PCDH7: variants seen among roughly 807,000 people sequenced by gnomAD.
PCDH7 encodes the protein protocadherin-7.
Under a neutral mutation model 58.9 loss-of-function variants are expected in PCDH7, and 17 were observed. That is an observed-to-expected ratio of 0.29 (90% CI 0.20 to 0.43). The LOEUF is 0.43. Ranked by LOEUF, PCDH7 falls within the 20% of genes least tolerant of loss-of-function variation. The pLI is 1.00. For synonymous variants in PCDH7, 664 were observed against 616.4 expected, an observed-to-expected ratio of 1.08 and a Z score of -1.14; for missense variants, 1,274 against 1,441.0, an observed-to-expected ratio of 0.88 and a Z score of 1.88.
chr4:30,884,836 A>G (rs1020607701), intron 1 of PCDH7: 2 of 152,176 alleles, frequency 1.3e-5, no homozygotes, highest in Admixed American at 1.3e-4. Flanking sequence ...TCAGGAGGTC[A>G]GGCAAAAATA....
At chr4:30,920,258 A>C (rs1431065188) in exon 2 of PCDH7, 1 of 1,367,530 alleles carries the variant, frequency 7.3e-7, no homozygotes, top group Non-Finnish European at 9.8e-7. Context: ...AGAAACACCA[A>C]GCAGTAAGAG....
At chr4:30,879,846 G>A (rs10755210) in intron 1 of PCDH7, among the ~76,000 whole-genome samples, 61,636 of 151,842 alleles carry the variant, frequency 0.41, 12,732 homozygotes, top group African/African-American at 0.45. Context: ...ATTTCTTCTG[G>A]TTGCTACCAG....
intron 3 of PCDH7, among the ~76,000 whole-genome samples, chr4:31,100,795 C>G (rs1714794887): frequency 6.6e-6 from 1 of 152,130 alleles, no homozygotes; most frequent in Non-Finnish European, 1.5e-5. Flanking sequence ...ACTGTTTGTA[C>G]TTGAAGTTAT....
At chr4:31,117,087 C>T (rs571216676) in intron 3 of PCDH7, among the ~76,000 whole-genome samples, 30 of 152,178 alleles carry the variant, frequency 2.0e-4, no homozygotes, top group African/African-American at 6.0e-4. Flanking sequence ...AGGCTTTTAC[C>T]ATGTTGGTCA....
At chr4:31,119,098 A>C (rs1416315209) in intron 3 of PCDH7, among the ~76,000 whole-genome samples, 3 of 151,894 alleles carry the variant, frequency 2.0e-5, no homozygotes, top group African/African-American at 7.3e-5. Flanking sequence ...ACCATGTCCT[A>C]GTTTTAGATT....
At chr4:30,724,757 A>C (rs1046108986) in intron 1 of PCDH7, 161 bp downstream of exon 1, 2 of 1,447,454 alleles carry the variant, frequency 1.4e-6, no homozygotes, top group Admixed American at 2.9e-5. Flanking sequence ...AGCAAAGGCC[A>C]TCTACAAGAG....
At chr4:30,915,943 C>A (rs1250645353) in intron 1 of PCDH7, among the ~76,000 whole-genome samples, 1 of 152,158 alleles carries the variant, frequency 6.6e-6, no homozygotes, top group African/African-American at 2.4e-5. Context: ...AAACCACTGC[C>A]TTTGCACTGC....
At chr4:30,867,725 G>A (rs1735049675) in intron 1 of PCDH7, among the ~76,000 whole-genome samples, 1 of 152,046 alleles carries the variant, frequency 6.6e-6, no homozygotes, top group Non-Finnish European at 1.5e-5. Flanking sequence ...GTGTGATGTG[G>A]AATATGTCTA....
At chr4:31,099,698 G>A (rs200056847) in intron 3 of PCDH7, among the ~76,000 whole-genome samples, 2 of 152,200 alleles carry the variant, frequency 1.3e-5, no homozygotes, top group East Asian at 3.9e-4. Flanking sequence ...GAGAACCTAA[G>A]GAACTTTTTC....
At chr4:30,938,227 G>T (rs1428836114) in intron 2 of PCDH7, among the ~76,000 whole-genome samples, 1 of 152,024 alleles carries the variant, frequency 6.6e-6, no homozygotes, top group Non-Finnish European at 1.5e-5. Flanking sequence ...GAAGTTTACT[G>T]CCATTGATTC....
At chr4:30,781,639 C>T (rs933980902) in intron 1 of PCDH7, among the ~76,000 whole-genome samples, 10 of 150,666 alleles carry the variant, frequency 6.6e-5, no homozygotes, top group African/African-American at 9.8e-5. Context: ...TGGGTTCAAG[C>T]GATTCTCCTG....
rs182660721 is a variant in PCDH7 at position 30,786,361 on chromosome 4, A to G, written c.70+61765A>G. ...AAGTTACCATTTCATTCTTATTTGT[A>G]TTTGTAATATAAAGAAAGCAAACAA... On this transcript the variant is annotated intron_variant, in intron 1 of 3. Coordinates refer to the PCDH7 transcript ENST00000509759. 3.6e-3 allele frequency among the ~76,000 whole-genome samples: 543 copies of G among 152,142 alleles called. 5 individuals carry two copies. The highest frequency in any genetic ancestry group is 0.012 in the African/African-American group (507 of 41,554).
At chr4:31,142,661 G>A (rs1296882106) in exon 4 of PCDH7, 1 of 1,367,734 alleles carries the variant, frequency 7.3e-7, no homozygotes, top group South Asian at 1.1e-5. Context: ...CAATGGGGAG[G>A]CCGCCATCAT....
intron 1 of PCDH7, among the ~76,000 whole-genome samples, chr4:30,885,870 C>G (rs1737667994): frequency 6.6e-6 from 1 of 152,198 alleles, no homozygotes; most frequent in African/African-American, 2.4e-5. Flanking sequence ...AAGCAATGGG[C>G]AAAGGATTCC....
At chr4:30,815,060 T>G (rs1233553262) in intron 1 of PCDH7, among the ~76,000 whole-genome samples, 1 of 152,092 alleles carries the variant, frequency 6.6e-6, no homozygotes, top group Non-Finnish European at 1.5e-5. Flanking sequence ...TACAGCTCAA[T>G]TGTAAGTTAT....
rs184517524 is a variant in PCDH7 at position 31,048,842 on chromosome 4, A to C, written c.*8-93631A>C. Among the ~76,000 whole-genome samples the C allele has an allele frequency of 1.0e-3, 157 of 152,244 alleles. 1 individual carries two copies. Among genetic ancestry groups the C allele is most frequent in the African/African-American group, 3.5e-3 (147 of 41,570 alleles). ...TTCTTCCAAACAATCTGGAAAGAACATTATATGAAAATGTTGTCATAGCAG... is the reference window on the plus strand; with the variant it reads ...TTCTTCCAAACAATCTGGAAAGAACCTTATATGAAAATGTTGTCATAGCAG... On this transcript the variant is annotated intron_variant, in intron 3 of 3. Coordinates refer to the PCDH7 transcript ENST00000509759.
At chr4:31,034,609 T>A (rs962493629) in intron 3 of PCDH7, among the ~76,000 whole-genome samples, 2 of 152,194 alleles carry the variant, frequency 1.3e-5, no homozygotes, top group Non-Finnish European at 2.9e-5. Flanking sequence ...CTAAGTCTCA[T>A]TTTACCTACT....
At chr4:30,925,966 T>A (rs1056511910) in intron 2 of PCDH7, 9 of 152,204 alleles carry the variant, frequency 5.9e-5, no homozygotes, top group African/African-American at 2.2e-4. Flanking sequence ...GTTTGAATCC[T>A]GGCTTTACCT....
rs565568884 is a variant in PCDH7 at position 30,787,918 on chromosome 4, G to A, written c.70+63322G>A. Among the ~76,000 whole-genome samples the A allele has an allele frequency of 4.6e-5, 7 of 152,110 alleles. No individual in the cohort carries two copies. The East Asian group carries it at 1.2e-3, about 25-fold the overall frequency. On this transcript the variant is annotated intron_variant, in intron 1 of 3. Coordinates refer to the PCDH7 transcript ENST00000509759. ...TTAAAGATTATTATTCACAAAGGAA[G>A]CAATTTTAAAATAGAATGACTACTT...
Sources: gnomAD v4.1 joint callset for allele counts (sites outside exome capture counted in the v4.1 genomes callset) on GRCh38, gnomAD v4.1.1 for gene constraint, MANE v1.5 for transcripts, NCBI Gene and HGNC (gene_info 2026-07-23, HGNC 2026-07-21) for gene names.